The following CELF4 variants were observed in gnomAD, a reference collection of about 807,000 sequenced individuals.
CELF4 encodes the protein CUG-BP- and ETR-3-like factor 4.
In CELF4, 18 loss-of-function variants were observed where a neutral mutation model predicts 59.9. The observed-to-expected ratio is 0.30, with a 90% CI of 0.21 to 0.45. CELF4 has a LOEUF of 0.45. CELF4 is among the 20% of genes least tolerant of loss of function. The pLI, the probability that CELF4 is intolerant of heterozygous loss-of-function variation, is 1.00. For synonymous variants in CELF4, 261 were observed against 267.1 expected (o/e 0.98, Z 0.22); for missense variants, 456 against 689.0 (o/e 0.66, Z 3.79).
chr18:37,337,695 C>T (rs1281383594), intron 2 of CELF4, among the ~76,000 whole-genome samples: 1 of 152,192 alleles, frequency 6.6e-6, no homozygotes, highest in Non-Finnish European at 1.5e-5. Flanking sequence ...ATCTTCAGCA[C>T]AAATGGTTTG....
chr18:37,258,996 G>A, intron 11 of CELF4, 185 bp downstream of exon 11: 1 of 806,706 alleles, frequency 1.2e-6, no homozygotes, highest in South Asian at 1.7e-5. Flanking sequence ...GGCTGGTGAG[G>A]GCCATGGAGC....
chr18:37,399,832 G>A (rs988144053), intron 2 of CELF4, among the ~76,000 whole-genome samples: 76 of 152,280 alleles, frequency 5.0e-4, no homozygotes, highest in African/African-American at 1.8e-3. Flanking sequence ...CAGTTATTTT[G>A]GCTCCAATTT....
At chr18:37,513,649 T>C (rs1026972307) in intron 1 of CELF4, among the ~76,000 whole-genome samples, 1 of 152,172 alleles carries the variant, frequency 6.6e-6, no homozygotes, top group Admixed American at 6.5e-5. Flanking sequence ...GTCAAGAACA[T>C]CTTCTTACTG....
chr18:37,338,775 T>TGTGTG (rs2097874726), intron 2 of CELF4, among the ~76,000 whole-genome samples: 2 of 151,660 alleles, frequency 1.3e-5, no homozygotes, highest in South Asian at 4.2e-4. Flanking sequence ...TGTGTGTGTG[T>TGTGTG]GTGTGTGTGT....
chr18:37,330,650 C>T (rs1195219761), intron 2 of CELF4, among the ~76,000 whole-genome samples: 3 of 152,140 alleles, frequency 2.0e-5, no homozygotes, highest in Non-Finnish European at 4.4e-5. Flanking sequence ...CCCAGCATGG[C>T]CCCAATGCAC....
chr18:37,405,121 C>T (rs1256224240), intron 2 of CELF4, among the ~76,000 whole-genome samples: 1 of 151,586 alleles, frequency 6.6e-6, no homozygotes, highest in Non-Finnish European at 1.5e-5. Flanking sequence ...CTTCAGATTC[C>T]TGGTTCCTCC....
intron 3 of CELF4, among the ~76,000 whole-genome samples, chr18:37,284,024 A>ATATAC (rs2094482236): frequency 3.8e-3 from 16 of 4,222 alleles, no homozygotes; most frequent in South Asian, 0.018. Flanking sequence ...ATGCACACAC[A>ATATAC]CCCAACACAC....
chr18:37,283,394 A>C lies in CELF4; in HGVS notation c.449-8151T>G, dbSNP rs184327188. 3.9e-5 allele frequency among the ~76,000 whole-genome samples: 6 copies of C among 152,018 alleles called. No homozygotes were observed. The East Asian group carries it at 7.8e-4, about 20-fold the overall frequency. On this transcript the variant is annotated intron_variant, in intron 3 of 12. Coordinates refer to ENST00000420428, the MANE Select transcript of CELF4 (RefSeq NM_020180.4). ...CTCCCCCTCACTCTGAGAACAAGCCAAGTCTGGTAATATCATGTAAGGGGC... is the reference window on the plus strand; with the variant it reads ...CTCCCCCTCACTCTGAGAACAAGCCCAGTCTGGTAATATCATGTAAGGGGC...
chr18:37,391,834 G>A (rs927066735), intron 2 of CELF4, among the ~76,000 whole-genome samples: 2 of 152,214 alleles, frequency 1.3e-5, no homozygotes, highest in Admixed American at 6.5e-5. Context: ...ATAAGGCTCC[G>A]AGCAGCTCAG....
intron 2 of CELF4, among the ~76,000 whole-genome samples, chr18:37,384,137 G>A (rs1245408776): frequency 2.6e-5 from 4 of 152,254 alleles, no homozygotes; most frequent in African/African-American, 7.2e-5. Flanking sequence ...ATTGATTGAC[G>A]AGAGGAAGTC....
chr18:37,353,030 G>T (rs1049984041), intron 2 of CELF4, among the ~76,000 whole-genome samples: 9 of 151,974 alleles, frequency 5.9e-5, no homozygotes, highest in Non-Finnish European at 1.3e-4. Flanking sequence ...GACCATCCTG[G>T]CTAACACGGT....
In CELF4 at chr18:37,243,822, GTC is replaced by G. The variant is rs2061074081; in HGVS notation, c.*1418_*1419del. On this transcript the variant is annotated 3_prime_UTR_variant, in exon 13 of 13. Coordinates refer to ENST00000420428, the MANE Select transcript of CELF4 (RefSeq NM_020180.4). ...TTCCCAGTTCTCCCTTGCCCGGAAAGTCTCTGGAGCAAGCGTGGAAGGCGAGT... is the reference window on the plus strand; with the variant it reads ...TTCCCAGTTCTCCCTTGCCCGGAAAGTCTGGAGCAAGCGTGGAAGGCGAGT... The G allele has an allele frequency of 6.0e-6, 1 of 166,670 alleles. No individual in the cohort carries two copies. Among genetic ancestry groups the G allele is most frequent in the Admixed American group, 6.4e-5 (1 of 15,586 alleles). 10.3% of individuals were successfully genotyped at this position (166,670 alleles called of 1,614,324 possible). A position where few individuals can be genotyped will look rare whatever the true frequency, so the allele number is the denominator to read the frequency against.
intron 2 of CELF4, among the ~76,000 whole-genome samples, chr18:37,440,301 T>C (rs1212860806): frequency 1.3e-5 from 2 of 152,116 alleles, no homozygotes; most frequent in African/African-American, 4.8e-5. Flanking sequence ...GCTCTCCTCC[T>C]GGAGCTCCGA....
intron 2 of CELF4, among the ~76,000 whole-genome samples, chr18:37,478,579 C>T (rs955001208): frequency 1.3e-5 from 2 of 151,766 alleles, no homozygotes; most frequent in Non-Finnish European, 2.9e-5. Flanking sequence ...GAAAGTGGGC[C>T]GTCTAGGAGG....
intron 3 of CELF4, among the ~76,000 whole-genome samples, chr18:37,317,483 C>T (rs1468827272): frequency 6.6e-6 from 1 of 152,208 alleles, no homozygotes; most frequent in Non-Finnish European, 1.5e-5. Flanking sequence ...ACTCCTGAGA[C>T]CCCCAGGTAA....
At chr18:37,294,928 A>G (rs537621830) in intron 3 of CELF4, among the ~76,000 whole-genome samples, 1 of 152,362 alleles carries the variant, frequency 6.6e-6, no homozygotes, top group Admixed American at 6.5e-5. Flanking sequence ...GAAATGCAGA[A>G]GGTAAACTTC....
chr18:37,436,143 G>A (rs1009012093), intron 2 of CELF4, among the ~76,000 whole-genome samples: 4 of 152,180 alleles, frequency 2.6e-5, no homozygotes, highest in East Asian at 1.9e-4. Context: ...CCCAGGGAGC[G>A]GCAGGAACCA....
At chr18:37,354,001 C>T (rs571074061) in intron 2 of CELF4, among the ~76,000 whole-genome samples, 2 of 152,142 alleles carry the variant, frequency 1.3e-5, no homozygotes, top group Non-Finnish European at 2.9e-5. Flanking sequence ...GTGATCTGCC[C>T]GCCTCGGCCT....
chr18:37,406,038 G>C (rs776160579), intron 2 of CELF4, among the ~76,000 whole-genome samples: 10 of 152,088 alleles, frequency 6.6e-5, no homozygotes, highest in Admixed American at 1.3e-4. Context: ...ATAAAAAATT[G>C]CTATAAATCT....
Sources: gnomAD v4.1 joint callset for allele counts (sites outside exome capture counted in the v4.1 genomes callset) on GRCh38, gnomAD v4.1.1 for gene constraint, MANE v1.5 for transcripts, NCBI Gene and HGNC (gene_info 2026-07-23, HGNC 2026-07-21) for gene names.